Variants in PCDH11X observed in about 807,000 individuals in gnomAD.
PCDH11X encodes protocadherin-11 X-linked.
In PCDH11X, 18 loss-of-function variants were observed where a neutral mutation model predicts 53.3. That is an observed-to-expected ratio of 0.34 (90% CI 0.23 to 0.50). PCDH11X has a LOEUF of 0.50. Ranked by LOEUF, PCDH11X falls within the 20% of genes least tolerant of loss-of-function variation. The probability of loss-of-function intolerance (pLI) is 0.98; values close to 1 mark genes in which losing one functional copy is unlikely to be tolerated. For synonymous variants in PCDH11X, 279 were observed against 393.3 expected (o/e 0.71, Z 3.44); for missense variants, 570 against 1,032.4 (o/e 0.55, Z 6.14).
chrX:92,506,481 A>G (rs1391059464), intron 10 of PCDH11X, among the ~76,000 whole-genome samples: 1 of 103,395 alleles, frequency 9.7e-6, no homozygotes, highest in African/African-American at 3.5e-5. Context: ...CCTTTTCTGC[A>G]TCTATTCAGA....
At chrX:92,374,936 C>A (rs1053573510) in intron 8 of PCDH11X, among the ~76,000 whole-genome samples, 1 of 107,455 alleles carries the variant, frequency 9.3e-6, no homozygotes, top group African/African-American at 3.4e-5. Context: ...TTATTGCTGT[C>A]AAATCAATGA....
At chrX:92,532,813 G>A (rs3952473) in intron 10 of PCDH11X, among the ~76,000 whole-genome samples, 2 of 111,536 alleles carry the variant, frequency 1.8e-5, no homozygotes, top group African/African-American at 3.3e-5. Flanking sequence ...ACAATTCCAC[G>A]TGGCTGGAGA....
At chrX:92,072,343 G>A (rs772368470) in intron 6 of PCDH11X, among the ~76,000 whole-genome samples, 4 of 110,457 alleles carry the variant, frequency 3.6e-5, no homozygotes, top group East Asian at 5.8e-4. Flanking sequence ...TGTTCCCACT[G>A]CTTTTCTCAA....
At chrX:92,570,973 A>T (rs1602356539) in intron 10 of PCDH11X, among the ~76,000 whole-genome samples, 1 of 112,170 alleles carries the variant, frequency 8.9e-6, no homozygotes, top group Admixed American at 9.5e-5. Flanking sequence ...GCCTCTTTTT[A>T]AAAAATTGAC....
intron 6 of PCDH11X, among the ~76,000 whole-genome samples, chrX:92,192,008 A>G (rs1272469095): frequency 2.7e-5 from 3 of 111,649 alleles, no homozygotes; most frequent in African/African-American, 9.7e-5. Flanking sequence ...AAATGTTAAC[A>G]TTTCTTCATC....
chrX:92,570,077 T>A (rs1450212781), intron 10 of PCDH11X, among the ~76,000 whole-genome samples: 1 of 104,028 alleles, frequency 9.6e-6, no homozygotes, highest in Non-Finnish European at 2.0e-5. Context: ...AAATATAATA[T>A]CTTGTGCTAT....
At chrX:92,116,250 T>C (rs1257831386) in intron 6 of PCDH11X, among the ~76,000 whole-genome samples, 1 of 112,361 alleles carries the variant, frequency 8.9e-6, no homozygotes, top group Non-Finnish European at 1.9e-5. Flanking sequence ...ATAGATCATC[T>C]TGAAGGTATG....
chrX:92,124,925 G>A (rs945209261), intron 6 of PCDH11X, among the ~76,000 whole-genome samples: 15 of 110,817 alleles, frequency 1.4e-4, no homozygotes, highest in Non-Finnish European at 2.3e-4. Flanking sequence ...TGTCTGTCTC[G>A]CTCATCACTG....
At chrX:92,177,745 T>C (rs978324106) in intron 6 of PCDH11X, among the ~76,000 whole-genome samples, 4 of 111,431 alleles carry the variant, frequency 3.6e-5, no homozygotes, top group African/African-American at 6.5e-5. Flanking sequence ...TGTTTTTAGT[T>C]GGTATATAAG....
intron 8 of PCDH11X, among the ~76,000 whole-genome samples, chrX:92,383,896 G>T (rs201357748): frequency 9.0e-6 from 1 of 111,640 alleles, no homozygotes; most frequent in East Asian, 2.8e-4. Context: ...TTGAGGAATC[G>T]CCACACTGTC....
intron 7 of PCDH11X, among the ~76,000 whole-genome samples, chrX:92,233,177 T>C (rs1241382425): frequency 9.0e-6 from 1 of 111,574 alleles, no homozygotes; most frequent in Non-Finnish European, 1.9e-5. Flanking sequence ...GTGTATTGCT[T>C]CCTTATATTG....
At chrX:91,969,522 G>A (rs2061917451) in intron 6 of PCDH11X, among the ~76,000 whole-genome samples, 1 of 111,232 alleles carries the variant, frequency 9.0e-6, no homozygotes, top group African/African-American at 3.3e-5. Context: ...TCATAGGCTA[G>A]ACATGGTGGC....
At chrX:92,522,169 CTT>C (rs1672902043) in intron 10 of PCDH11X, among the ~76,000 whole-genome samples, 2 of 111,848 alleles carry the variant, frequency 1.8e-5, no homozygotes, top group Non-Finnish European at 3.8e-5. Context: ...TTTGACATGT[CTT>C]TCTCACTAAG....
At chrX:92,254,579 C>T (rs1423437367) in intron 7 of PCDH11X, among the ~76,000 whole-genome samples, 6 of 109,088 alleles carry the variant, frequency 5.5e-5, no homozygotes, top group East Asian at 5.8e-4. Flanking sequence ...CGGCTGGTAC[C>T]GGTTGTTCCT....
At chrX:91,969,524 C>T (rs1336091615) in intron 6 of PCDH11X, among the ~76,000 whole-genome samples, 3 of 111,061 alleles carry the variant, frequency 2.7e-5, no homozygotes, top group Non-Finnish European at 3.8e-5. Context: ...ATAGGCTAGA[C>T]ATGGTGGCTC....
chrX:92,439,660 G>A (rs965316295), intron 9 of PCDH11X, among the ~76,000 whole-genome samples: 4 of 109,023 alleles, frequency 3.7e-5, no homozygotes, highest in Non-Finnish European at 5.7e-5. Context: ...AACTTCTTGA[G>A]AGTTCAGGTT....
chrX:92,321,928 A>T (rs1273907731), intron 8 of PCDH11X, among the ~76,000 whole-genome samples: 1 of 104,641 alleles, frequency 9.6e-6, no homozygotes, highest in African/African-American at 3.5e-5. Context: ...TTGATTTTTG[A>T]CTATATTACA....
chrX:91,847,455 A>G (rs1937746380), intron 5 of PCDH11X, among the ~76,000 whole-genome samples: 1 of 111,574 alleles, frequency 9.0e-6, no homozygotes, highest in South Asian at 3.8e-4. Flanking sequence ...GGGACATTAA[A>G]TTAAATTAAA....
At chrX:91,813,600 G>A (rs1265573224) in intron 4 of PCDH11X, among the ~76,000 whole-genome samples, 1 of 106,942 alleles carries the variant, frequency 9.4e-6, no homozygotes, top group Admixed American at 9.9e-5. Context: ...TCAGAGTTTA[G>A]ATTCTATAGA....
Sources: gnomAD v4.1 joint callset for allele counts (sites outside exome capture counted in the v4.1 genomes callset) on GRCh38, gnomAD v4.1.1 for gene constraint, MANE v1.5 for transcripts, NCBI Gene and HGNC (gene_info 2026-07-23, HGNC 2026-07-21) for gene names.